Variants in ATP8A2 observed in about 807,000 individuals in gnomAD.
ATP8A2 encodes the protein phospholipid-transporting ATPase IB.
In ATP8A2, 100 loss-of-function variants were observed where a neutral mutation model predicts 165.6. The ratio of observed to expected loss-of-function variants is 0.60; its 90% confidence interval spans 0.51 to 0.71. The LOEUF (loss-of-function observed/expected upper bound fraction) is 0.71. ATP8A2 is among the 30% of genes least tolerant of loss of function. The pLI is 0.00. For missense variants in ATP8A2, 1,227 were observed against 1,479.5 expected (o/e 0.83, Z 2.80); for synonymous variants, 543 against 548.8 (o/e 0.99, Z 0.15).
chr13:25,447,411 G>T (rs1046881286), intron 1 of ATP8A2, among the ~76,000 whole-genome samples: 3 of 152,150 alleles, frequency 2.0e-5, no homozygotes, highest in Non-Finnish European at 4.4e-5. Context: ...TGAGATGGGA[G>T]AGTTCCCTTG....
chr13:25,897,939 A>C (rs1360192702), intron 33 of ATP8A2, among the ~76,000 whole-genome samples: 1 of 151,690 alleles, frequency 6.6e-6, no homozygotes, highest in African/African-American at 2.4e-5. Context: ...CATTCGTCTA[A>C]TTTTTTTTCA....
chr13:25,593,731 G>A (rs1031262445), intron 24 of ATP8A2, among the ~76,000 whole-genome samples: 1 of 152,180 alleles, frequency 6.6e-6, no homozygotes, highest in East Asian at 1.9e-4. Flanking sequence ...TTGTTACTGA[G>A]ACTCTCACTC....
At chr13:25,761,369 T>G (rs1329814076) in intron 25 of ATP8A2, among the ~76,000 whole-genome samples, 2 of 152,198 alleles carry the variant, frequency 1.3e-5, no homozygotes, top group East Asian at 3.8e-4. Flanking sequence ...AGTTAAATCC[T>G]TATTCTACTG....
chr13:25,636,199 A>AAAC, intron 24 of ATP8A2, among the ~76,000 whole-genome samples: 1 of 152,318 alleles, frequency 6.6e-6, no homozygotes, highest in Middle Eastern at 3.4e-3. Context: ...CTTTTGTCTC[A>AAAC]AACAACTTAG....
chr13:25,809,315 G>A (rs1007657502), intron 27 of ATP8A2, among the ~76,000 whole-genome samples: 2 of 152,046 alleles, frequency 1.3e-5, no homozygotes, highest in Non-Finnish European at 2.9e-5. Context: ...ACCTGTACAT[G>A]TACCCCCTGA....
rs554268828 is a variant in ATP8A2, at chr13:25,645,482, G to C, written c.2212-53691G>C. On this transcript the variant is annotated intron_variant, in intron 24 of 36. Transcript: ENST00000381655. Reference sequence around the variant, plus strand: ...GAGCTTAGTTTGTTCTTCTTTTTCTGTTTCCTTGAGGCATAATATTAAGTT... The same window carrying C: ...GAGCTTAGTTTGTTCTTCTTTTTCTCTTTCCTTGAGGCATAATATTAAGTT... 7.9e-5 allele frequency among the ~76,000 whole-genome samples: 12 copies of C among 152,128 alleles called. No homozygotes were observed. In the East Asian group the frequency reaches 2.3e-3, roughly 29 times the overall value.
intron 24 of ATP8A2, among the ~76,000 whole-genome samples, chr13:25,686,851 T>C (rs1593195380): frequency 1.3e-5 from 2 of 152,136 alleles, no homozygotes; most frequent in Non-Finnish European, 2.9e-5. Context: ...TTGGTTTTCA[T>C]CCACGGCTCT....
At chr13:25,892,480 C>CTCTCTG (rs1555286139) in intron 33 of ATP8A2, among the ~76,000 whole-genome samples, 1 of 147,396 alleles carries the variant, frequency 6.8e-6, no homozygotes, top group African/African-American at 2.5e-5. Flanking sequence ...GTCTCTCTGT[C>CTCTCTG]TCTCTCTCTC....
intron 27 of ATP8A2, among the ~76,000 whole-genome samples, chr13:25,806,462 C>T (rs1174002235): frequency 6.6e-6 from 1 of 151,946 alleles, no homozygotes; most frequent in African/African-American, 2.4e-5. Flanking sequence ...ACAGCTGAAG[C>T]CAACATTACC....
chr13:25,656,684 T>C (rs1196403851), intron 24 of ATP8A2, among the ~76,000 whole-genome samples: 2 of 148,442 alleles, frequency 1.3e-5, no homozygotes, highest in African/African-American at 5.0e-5. Context: ...GAGGTTGCAG[T>C]GAGCTGAGAT....
At chr13:25,823,660 A>G (rs921525729) in intron 27 of ATP8A2, among the ~76,000 whole-genome samples, 3 of 152,150 alleles carry the variant, frequency 2.0e-5, no homozygotes, top group African/African-American at 7.2e-5. Flanking sequence ...GTCTGAATAT[A>G]CTGAAGAATT....
intron 27 of ATP8A2, among the ~76,000 whole-genome samples, chr13:25,812,678 A>T (rs113393333): frequency 6.6e-6 from 1 of 151,702 alleles, no homozygotes; most frequent in Non-Finnish European, 1.5e-5. Context: ...CAAGTGATCA[A>T]TAAAATAAAC....
intron 25 of ATP8A2, among the ~76,000 whole-genome samples, chr13:25,758,978 AAG>A (rs2044322335): frequency 6.6e-6 from 1 of 152,090 alleles, no homozygotes; most frequent in Admixed American, 6.6e-5. Flanking sequence ...CAAATTAAGA[AAG>A]AGAGAGAAAG....
chr13:25,999,256 C>T (rs1233778296), intron 35 of ATP8A2, among the ~76,000 whole-genome samples: 1 of 152,110 alleles, frequency 6.6e-6, no homozygotes, highest in Non-Finnish European at 1.5e-5. Flanking sequence ...AGATGGTGTG[C>T]TGGTGTTTTC....
At chr13:25,936,289 C>A (rs1954886863) in intron 33 of ATP8A2, among the ~76,000 whole-genome samples, 1 of 152,190 alleles carries the variant, frequency 6.6e-6, no homozygotes, top group African/African-American at 2.4e-5. Context: ...CTTGCTGATT[C>A]CCACGTTGGT....
At chr13:25,922,613 G>A (rs147328370) in intron 33 of ATP8A2, among the ~76,000 whole-genome samples, 3 of 152,304 alleles carry the variant, frequency 2.0e-5, no homozygotes, top group African/African-American at 4.8e-5. Context: ...TTATACACTC[G>A]CATTCCCGGA....
In ATP8A2 at chr13:25,532,276, G is replaced by A. The variant is rs774991374; in HGVS notation, c.425G>A (p.Arg142Gln). ...GIKEIVEDFK[R>Q]HKADNAVNKK... ...TTTTTTTTCTTTCTGTAACAGAAGC[G>A]ACACAAGGCAGACAATGCAGTTAAC... Residue 142 changes from arginine (R) to glutamine (Q), a missense_variant, in exon 5 of 37, where the codon CGA (arginine) becomes CAA (glutamine). By Grantham distance (43) the Arg-to-Gln change is conservative (BLOSUM62 1). Transcript: ENST00000381655. The A allele has an allele frequency of 1.3e-5, 21 of 1,608,916 alleles. No homozygotes were observed. Among genetic ancestry groups the A allele is most frequent in the Non-Finnish European group, 1.7e-5 (20 of 1,178,278 alleles).
intron 1 of ATP8A2, among the ~76,000 whole-genome samples, chr13:25,384,410 A>G (rs9511775): frequency 0.041 from 6,278 of 152,176 alleles, 189 homozygotes; most frequent in South Asian, 0.076. Context: ...GTGGCCTTCC[A>G]TGCATTCTCC....
At chr13:25,617,392 C>A (rs1392268492) in intron 24 of ATP8A2, among the ~76,000 whole-genome samples, 1 of 152,142 alleles carries the variant, frequency 6.6e-6, no homozygotes, top group African/African-American at 2.4e-5. Flanking sequence ...ATTTTTATAA[C>A]TCAATTGATT....
Sources: allele counts gnomAD v4.1 joint callset (sites outside exome capture counted in the v4.1 genomes callset), GRCh38; gene constraint gnomAD v4.1.1; transcripts MANE v1.5; gene names NCBI Gene and HGNC (gene_info 2026-07-23, HGNC 2026-07-21).